Variants in ACSM1 observed in about 807,000 individuals in gnomAD.
ACSM1 encodes acyl-CoA synthetase medium chain family member 1, also known as acyl-coenzyme A synthetase ACSM1, mitochondrial.
In ACSM1, 79 loss-of-function variants were observed where a neutral mutation model predicts 75.8. The ratio of observed to expected loss-of-function variants is 1.04; its 90% CI spans 0.87 to 1.26. The LOEUF (loss-of-function observed/expected upper bound fraction) is 1.26, where lower values mean the gene tolerates loss of function less well. Among genes scored for constraint, ACSM1 ranks in the 50% most tolerant of loss-of-function variants. The pLI, the probability that ACSM1 is intolerant of heterozygous loss-of-function variation, is 0.00. For missense variants in ACSM1, 676 were observed against 720.1 expected, an observed-to-expected ratio of 0.94 and a Z score of 0.70; for synonymous variants, 279 against 265.8, an observed-to-expected ratio of 1.05 and a Z score of -0.48.
In ACSM1 at chr16:20,624,149, C is replaced by T. The variant is rs2016775640; in HGVS notation, c.1594G>A (p.Glu532Lys). 1.2e-6 allele frequency: 2 copies of T among 1,613,388 alleles called. No individual in the cohort carries two copies. Among genetic ancestry groups the T allele is most frequent in the Non-Finnish European group, 1.7e-6 (2 of 1,179,598 alleles). Residue 532 changes from glutamate to lysine, a missense_variant, in exon 13 of 14, where the codon GAA becomes AAA. By Grantham distance (56) the Glu-to-Lys change is moderately conservative. Transcript: ENST00000520010. ...LSHDKDQLTK[E>K]LQQHVKSVTA... is the part of the protein sequence containing the mutation. ...ACTGACTTGACATGCTGCTGCAGTT[C>T]CTTGGTCAGCTGATCCTTGTCATGG...
At chr16:20,626,284 A>G (rs1673071) in intron 11 of ACSM1, among the ~76,000 whole-genome samples, 44,480 of 151,794 alleles carry the variant, frequency 0.29, 7,976 homozygotes, top group African/African-American at 0.5. Flanking sequence ...CTTGCAGTGA[A>G]CCAAGATCAG....
At chr16:20,693,167 C>T (rs889999109) in intron 1 of ACSM1, among the ~76,000 whole-genome samples, 1 of 143,164 alleles carries the variant, frequency 7.0e-6, no homozygotes, top group Non-Finnish European at 1.5e-5. Flanking sequence ...AAAATTCCGT[C>T]TCAAAAAAAA....
At chr16:20,623,655 CCA>C (rs1437833562) in intron 13 of ACSM1, 83 bp from the exon 14 acceptor site, 3 of 1,332,422 alleles carry the variant, frequency 2.3e-6, no homozygotes, top group Middle Eastern at 2.4e-4. Flanking sequence ...CTCTGCCCCT[CCA>C]CAGTCTCCCA....
At chr16:20,695,229 T>C (rs2079683028) in intron 1 of ACSM1, among the ~76,000 whole-genome samples, 1 of 152,196 alleles carries the variant, frequency 6.6e-6, no homozygotes, top group African/African-American at 2.4e-5. Flanking sequence ...ATTCCAGCAC[T>C]TTCATTTCCC....
intron 4 of ACSM1, among the ~76,000 whole-genome samples, chr16:20,678,296 C>T (rs976202555): frequency 6.6e-6 from 1 of 151,684 alleles, no homozygotes; most frequent in African/African-American, 2.4e-5. Flanking sequence ...GAAAAAAAAA[C>T]ACACAAAAAA....
intron 4 of ACSM1, among the ~76,000 whole-genome samples, chr16:20,676,611 G>A (rs1200871619): frequency 6.6e-6 from 1 of 152,168 alleles, no homozygotes. Flanking sequence ...AGGAGGCAGA[G>A]AAGAAAGCTG....
intron 10 of ACSM1, among the ~76,000 whole-genome samples, chr16:20,632,144 AG>A (rs1194679766): frequency 6.6e-6 from 1 of 152,212 alleles, no homozygotes; most frequent in Non-Finnish European, 1.5e-5. Flanking sequence ...ACGTTAAAAA[AG>A]ATCTCAAGCC....
In ACSM1 at chr16:20,648,012, A is replaced by G. The variant is rs911479233; in HGVS notation, c.993-7428T>C. Among the ~76,000 whole-genome samples the G allele has an allele frequency of 6.6e-6, 1 of 152,180 alleles. No individual in the cohort carries two copies. Among genetic ancestry groups the G allele is most frequent in the African/African-American group, 2.4e-5 (1 of 41,450 alleles). On this transcript the variant is annotated intron_variant, in intron 7 of 13. Coordinates refer to ENST00000520010, the MANE Select transcript of ACSM1 (RefSeq NM_001318890.3). This position sits in a 1 kb window ranked among gnomAD's most constrained non-coding sequence, Gnocchi z 4.2. Reference sequence around the variant, plus strand: ...ACCAATAAATAGCATGGGCTCCCAGAGCTCAGGAACTTTGCAGCCTCCACA... The same window carrying G: ...ACCAATAAATAGCATGGGCTCCCAGGGCTCAGGAACTTTGCAGCCTCCACA...
At chr16:20,652,383 C>G (rs1032955354) in intron 7 of ACSM1, among the ~76,000 whole-genome samples, 3 of 150,954 alleles carry the variant, frequency 2.0e-5, no homozygotes, top group African/African-American at 7.3e-5. Flanking sequence ...CAAGGGAAAC[C>G]AGGAAATAAG....
In ACSM1 at chr16:20,640,498, C is replaced by A. The variant is rs765523680; in HGVS notation, c.1079G>T (p.Gly360Val). The change falls in exon 8 of 14, where the codon GGC (glycine) becomes GTC (valine). Residue 360 changes from glycine to valine, a missense_variant. Physicochemically the swap from Gly to Val is moderately radical, Grantham distance 109. Coordinates refer to ENST00000520010, the MANE Select transcript of ACSM1 (RefSeq NM_001318890.3). ...KDQEEWKRRT[G>V]LLLYENYGQS... ...CCCATAGTTCTCGTAGAGCAGAAGG[C>A]CCGTCCGTCTTTTCCACTCCTCCTG... 3.7e-6 allele frequency: 6 copies of A among 1,614,152 alleles called. No individual in the cohort carries two copies. Among genetic ancestry groups the A allele is most frequent in the African/African-American group, 1.3e-5 (1 of 75,048 alleles).
intron 6 of ACSM1, among the ~76,000 whole-genome samples, chr16:20,663,329 C>T (rs2019392119): frequency 6.6e-6 from 1 of 152,158 alleles, no homozygotes; most frequent in Non-Finnish European, 1.5e-5. Flanking sequence ...CACCTCTTTA[C>T]CCCCACATCC....
chr16:20,627,730 G>A (rs1301335019), intron 10 of ACSM1, among the ~76,000 whole-genome samples: 1 of 151,686 alleles, frequency 6.6e-6, no homozygotes, highest in Non-Finnish European at 1.5e-5. Flanking sequence ...TGGGGAGGCT[G>A]AGGCAGGAGA....
At chr16:20,678,515 T>C (rs1395747102) in intron 4 of ACSM1, among the ~76,000 whole-genome samples, 1 of 152,210 alleles carries the variant, frequency 6.6e-6, no homozygotes, top group Non-Finnish European at 1.5e-5. Context: ...TGATGGGGGC[T>C]ATCAGTACAT....
chr16:20,665,231 C>T (rs1567287539), intron 6 of ACSM1, among the ~76,000 whole-genome samples: 1 of 151,792 alleles, frequency 6.6e-6, no homozygotes, highest in African/African-American at 2.4e-5. Context: ...AAAGAATAAA[C>T]AATATTGATA....
At chr16:20,686,196 G>A (rs2079550962) in intron 2 of ACSM1, among the ~76,000 whole-genome samples, 1 of 151,892 alleles carries the variant, frequency 6.6e-6, no homozygotes. Context: ...TTACTTAATT[G>A]CTAAATTTTT....
intron 7 of ACSM1, among the ~76,000 whole-genome samples, chr16:20,656,038 C>T (rs1330262624): frequency 6.6e-6 from 1 of 152,140 alleles, no homozygotes; most frequent in Non-Finnish European, 1.5e-5. Flanking sequence ...CTTAAAAGTG[C>T]TACTCTTTCT....
intron 10 of ACSM1, among the ~76,000 whole-genome samples, chr16:20,630,603 A>G (rs1199706858): frequency 6.6e-6 from 1 of 152,172 alleles, no homozygotes; most frequent in African/African-American, 2.4e-5. Context: ...ACTTTCAATA[A>G]CGAGTAGAAA....
intron 6 of ACSM1, among the ~76,000 whole-genome samples, chr16:20,664,098 G>C (rs541004810): frequency 6.6e-6 from 1 of 152,152 alleles, no homozygotes; most frequent in East Asian, 1.9e-4. Context: ...GTTGACAGGG[G>C]TGGGTAGAGA....
At chr16:20,644,589 T>A (rs1297821523) in intron 7 of ACSM1, among the ~76,000 whole-genome samples, 1 of 151,072 alleles carries the variant, frequency 6.6e-6, no homozygotes, top group East Asian at 1.9e-4. Context: ...ATAATGGGTA[T>A]TCAGTAATTG....
Sources: gnomAD v4.1 joint callset for allele counts (sites outside exome capture counted in the v4.1 genomes callset) on GRCh38, gnomAD v4.1.1 for gene constraint, Gnocchi (gnomAD v3.1) non-coding constraint, MANE v1.5 for transcripts, NCBI Gene and HGNC (gene_info 2026-07-23, HGNC 2026-07-21) for gene names.